Variants in SPON1 observed in about 807,000 individuals in gnomAD.
SPON1 encodes spondin 1, also known as spondin-1.
Under a neutral mutation model 111.7 loss-of-function variants are expected in SPON1, and 52 were observed. That is an observed-to-expected ratio of 0.47 (90% CI 0.37 to 0.59). The LOEUF (loss-of-function observed/expected upper bound fraction) is 0.59, where lower values mean the gene tolerates loss of function less well. Among genes scored for constraint, SPON1 ranks in the 20% least tolerant of loss-of-function variants. SPON1 has a pLI of 0.00. For missense variants in SPON1, 957 were observed against 1,068.5 expected, an observed-to-expected ratio of 0.90 and a Z score of 1.46; for synonymous variants, 410 against 395.8, an observed-to-expected ratio of 1.04 and a Z score of -0.43.
intron 5 of SPON1, among the ~76,000 whole-genome samples, chr11:14,113,032 C>T (rs1329586280): frequency 7.9e-5 from 12 of 152,200 alleles, no homozygotes; most frequent in Non-Finnish European, 1.5e-4. Flanking sequence ...TCTGACAGCA[C>T]CCTTGAAATT....
chr11:14,123,341 G>T (rs1847415727), intron 5 of SPON1, among the ~76,000 whole-genome samples: 1 of 152,086 alleles, frequency 6.6e-6, no homozygotes, highest in Admixed American at 6.5e-5. Context: ...ATTTACTGAT[G>T]GATCTGCTTC....
At chr11:14,253,691 C>T (rs560593149) in intron 7 of SPON1, among the ~76,000 whole-genome samples, 90 of 152,344 alleles carry the variant, frequency 5.9e-4, no homozygotes, top group Middle Eastern at 3.4e-3. Flanking sequence ...CCTTGGGGTG[C>T]AGAGTCAGGC....
intron 6 of SPON1, among the ~76,000 whole-genome samples, chr11:14,235,979 G>A (rs1848861754): frequency 6.6e-6 from 1 of 152,172 alleles, no homozygotes; most frequent in Admixed American, 6.5e-5. Flanking sequence ...CCAGGATGCC[G>A]AAACCCAGGT....
chr11:13,969,363 C>G (rs554721716), intron 1 of SPON1, among the ~76,000 whole-genome samples: 1 of 151,944 alleles, frequency 6.6e-6, no homozygotes, highest in African/African-American at 2.4e-5. Context: ...CCAGCCTGGG[C>G]GACAAAGTGA....
At chr11:14,075,202 A>G in intron 3 of SPON1, 143 bp from the exon 4 acceptor site, 1 of 627,050 alleles carries the variant, frequency 1.6e-6, no homozygotes, top group East Asian at 2.8e-5. Context: ...TATTGCTGTT[A>G]TGTTAATTTT....
intron 3 of SPON1, among the ~76,000 whole-genome samples, chr11:14,063,899 C>G (rs1848810742): frequency 6.6e-6 from 1 of 152,204 alleles, no homozygotes; most frequent in African/African-American, 2.4e-5. Flanking sequence ...AAGGCATAAA[C>G]AGCCTTTATG....
intron 6 of SPON1, among the ~76,000 whole-genome samples, chr11:14,208,687 TAATA>T (rs1848541362): frequency 6.6e-6 from 1 of 152,226 alleles, no homozygotes; most frequent in Non-Finnish European, 1.5e-5. Context: ...GGCACATGTT[TAATA>T]AATGGTTTTT....
intron 5 of SPON1, among the ~76,000 whole-genome samples, chr11:14,104,633 G>T (rs1849171328): frequency 6.6e-6 from 1 of 151,810 alleles, no homozygotes; most frequent in African/African-American, 2.4e-5. Flanking sequence ...TTTTCCTAAT[G>T]CCCAACTCCT....
At chr11:14,201,983 A>G (rs1263834550) in intron 6 of SPON1, among the ~76,000 whole-genome samples, 1 of 152,230 alleles carries the variant, frequency 6.6e-6, no homozygotes, top group Non-Finnish European at 1.5e-5. Context: ...CTTCAACTAC[A>G]AAATGGATAA....
chr11:14,084,456 T>C (rs1188353777), intron 5 of SPON1, among the ~76,000 whole-genome samples: 1 of 152,232 alleles, frequency 6.6e-6, no homozygotes, highest in African/African-American at 2.4e-5. Context: ...GCTTCATCCA[T>C]GTCCCTGCAA....
chr11:13,977,357 T>C (rs1257750134), intron 1 of SPON1, among the ~76,000 whole-genome samples: 1 of 152,224 alleles, frequency 6.6e-6, no homozygotes, highest in Non-Finnish European at 1.5e-5. Flanking sequence ...TTAATTCTTT[T>C]AAATTTAGCC....
intron 5 of SPON1, among the ~76,000 whole-genome samples, chr11:14,122,563 C>T (rs1228568774): frequency 6.6e-6 from 1 of 152,164 alleles, no homozygotes; most frequent in Non-Finnish European, 1.5e-5. Flanking sequence ...GTTTTTATTC[C>T]ACAGTCATTT....
intron 7 of SPON1, among the ~76,000 whole-genome samples, chr11:14,245,248 C>T (rs782624971): frequency 2.0e-5 from 3 of 152,142 alleles, no homozygotes; most frequent in South Asian, 4.1e-4. Context: ...AGCAGGGAAG[C>T]TACGGCGAGG....
intron 6 of SPON1, among the ~76,000 whole-genome samples, chr11:14,210,236 C>A (rs1554936564): frequency 6.6e-6 from 1 of 152,136 alleles, no homozygotes; most frequent in Non-Finnish European, 1.5e-5. Flanking sequence ...ATGGTAGTTT[C>A]TTTTGCTGTG....
intron 6 of SPON1, among the ~76,000 whole-genome samples, chr11:14,201,227 C>A (rs1474992910): frequency 1.3e-5 from 2 of 151,852 alleles, no homozygotes; most frequent in African/African-American, 2.4e-5. Flanking sequence ...GTAGTCCCAG[C>A]TACTTGGGAG....
At chr11:14,229,946 G>C (rs1278159538) in intron 6 of SPON1, among the ~76,000 whole-genome samples, 7 of 119,756 alleles carry the variant, frequency 5.8e-5, no homozygotes, top group African/African-American at 2.0e-4. Flanking sequence ...GTCTGTCTGT[G>C]TGTCCGTGTG....
intron 6 of SPON1, among the ~76,000 whole-genome samples, chr11:14,162,681 C>T (rs781961029): frequency 3.3e-5 from 5 of 152,160 alleles, no homozygotes; most frequent in Non-Finnish European, 7.3e-5. Context: ...CCTTTTCTCA[C>T]TCATATCTCA....
chr11:14,157,350 G>C (rs1414871110), intron 6 of SPON1, among the ~76,000 whole-genome samples: 1 of 151,958 alleles, frequency 6.6e-6, no homozygotes, highest in Non-Finnish European at 1.5e-5. Flanking sequence ...GTATTTTTAA[G>C]GCATCACTTG....
rs1412467580 is a variant in SPON1 at position 14,204,838 on chromosome 11, C to T, written c.826-38494C>T. Among the ~76,000 whole-genome samples the T allele has an allele frequency of 3.9e-5, 6 of 152,068 alleles. No individual in the cohort carries two copies. In the East Asian group the frequency reaches 9.6e-4, roughly 24 times the overall value. On this transcript the variant is annotated intron_variant, in intron 6 of 15. Coordinates refer to ENST00000576479, the MANE Select transcript of SPON1 (RefSeq NM_006108.4). Reference sequence around the variant, plus strand: ...TAGCTGGGATTACAGGTGCCCGCCACCACCCCCGGCTAATTTTTTTTGTAT... The same window carrying T: ...TAGCTGGGATTACAGGTGCCCGCCATCACCCCCGGCTAATTTTTTTTGTAT...
Sources: allele counts gnomAD v4.1 joint callset (sites outside exome capture counted in the v4.1 genomes callset), GRCh38; gene constraint gnomAD v4.1.1; transcripts MANE v1.5; gene names NCBI Gene and HGNC (gene_info 2026-07-23, HGNC 2026-07-21).